The following ELP2 variants were observed in gnomAD, a reference collection of about 807,000 sequenced individuals.
ELP2 encodes elongator acetyltransferase complex subunit 2.
A neutral mutation model predicts 119.2 loss-of-function variants in ELP2; 90 were observed. The ratio of observed to expected loss-of-function variants is 0.75; its 90% CI spans 0.64 to 0.90. ELP2 has a LOEUF of 0.90. Among genes scored for constraint, ELP2 ranks in the 40% least tolerant of loss-of-function variants. ELP2 has a pLI of 0.00. For missense variants in ELP2, 921 were observed against 967.8 expected (o/e 0.95, Z 0.64); for synonymous variants, 339 against 331.0 (o/e 1.02, Z -0.26).
intron 18 of ELP2, among the ~76,000 whole-genome samples, chr18:36,165,500 G>A (rs2090868932): frequency 6.6e-6 from 1 of 152,192 alleles, no homozygotes; most frequent in South Asian, 2.1e-4. Flanking sequence ...CCCAGGGACT[G>A]TAAAGTATAC....
At position 36,159,768 on chromosome 18, in the gene ELP2, A is replaced by T; in HGVS notation, c.1568A>T (p.Glu523Val). ...DIASQPSDEE[E>V]LLTSTGFEYQ... ...GCTTCTCAGCCTTCTGATGAAGAGG[A>T]GCTGTTAACTAGTACTGGTTTTGAG... is the stretch of plus-strand genomic sequence containing the variant. Residue 523 changes from glutamate (E) to valine (V), a missense_variant, in exon 15 of 22, where the codon GAG (glutamate) becomes GTG (valine). Physicochemically the swap from Glu to Val is moderately radical, Grantham distance 121. Coordinates refer to ENST00000358232, the MANE Select transcript of ELP2 (RefSeq NM_018255.4). 6.2e-7 allele frequency: 1 copy of T among 1,613,954 alleles called. No homozygotes were observed. The highest frequency in any genetic ancestry group is 8.5e-7 in the Non-Finnish European group (1 of 1,179,914).
chr18:36,152,945 C>T (rs951201404), intron 11 of ELP2, among the ~76,000 whole-genome samples: 1 of 152,166 alleles, frequency 6.6e-6, no homozygotes, highest in Non-Finnish European at 1.5e-5. Context: ...TTTTGCCCTT[C>T]CCCCACATTG....
rs886832690 is a variant in ELP2 at position 36,159,683 on chromosome 18, G to A, written c.1535-52G>A. The A allele has an allele frequency of 7.4e-6, 10 of 1,346,984 alleles. No individual in the cohort carries two copies. In the Admixed American group the frequency reaches 1.3e-4, roughly 18 times the overall value. The allele number at this position is 1,346,984 out of a possible 1,614,324, so 83.4% of individuals were successfully genotyped here. A position where few individuals can be genotyped will look rare whatever the true frequency, so the allele number is the denominator to read the frequency against. On this transcript the variant is annotated intron_variant, in intron 14 of 21. Coordinates refer to ENST00000358232, the MANE Select transcript of ELP2 (RefSeq NM_018255.4). ...TGGTGGCCTTAATATTGAGACAAGT[G>A]AAGGAGATATAAAAATAGTGACTAT...
rs772323618 is a variant in ELP2, at chr18:36,129,978, A to C, written c.45A>C (p.Pro15=). The change falls in exon 1 of 22, where the codon CCA becomes CCC. Residue 15 remains proline (P), a synonymous_variant. Coordinates refer to ENST00000358232, the MANE Select transcript of ELP2 (RefSeq NM_018255.4). ...AGACTTCTCACGTGTTTTGCTGCCCAAACCGGGTGCGGGGAGTCCTGAACT... is the reference window on the plus strand; with the variant it reads ...AGACTTCTCACGTGTTTTGCTGCCCCAACCGGGTGCGGGGAGTCCTGAACT... ...VLETSHVFCC[P]NRVRGVLNWS... The C allele has an allele frequency of 1.2e-6, 2 of 1,614,160 alleles. No homozygotes were observed. The highest frequency in any genetic ancestry group is 2.2e-5 in the South Asian group (2 of 91,080).
chr18:36,171,117 C>G lies in ELP2; in HGVS notation c.2281C>G (p.Pro761Ala), dbSNP rs769027502. The G allele has an allele frequency of 4.3e-6, 7 of 1,614,024 alleles. No homozygotes were observed. The South Asian group carries it at 7.7e-5, about 18-fold the overall frequency. ...TACCTGGAAAAAGACTGATCAAGTT[C>G]CAGAAATAAATGACTGGACCCACTG... ...LYTWKKTDQV[P>A]EINDWTHCVE... The change falls in exon 21 of 22, where the codon CCA (proline) becomes GCA (alanine). Residue 761 changes from proline to alanine, a missense_variant. Pro to Ala is a conservative substitution (Grantham distance 27). Transcript: ENST00000358232.
At position 36,179,521 on chromosome 18, in the gene ELP2, T is replaced by C. The variant is rs1598861356; in HGVS notation, c.*4880T>C. 1 of 139,852 alleles carries C rather than the reference T, an allele frequency of 7.2e-6. No individual in the cohort carries two copies. Among genetic ancestry groups the C allele is most frequent in the Non-Finnish European group, 1.5e-5 (1 of 65,760 alleles). 8.7% of individuals were successfully genotyped at this position (139,852 alleles called of 1,614,324 possible). A position where few individuals can be genotyped will look rare whatever the true frequency, so the allele number is the denominator to read the frequency against. On this transcript the variant is annotated 3_prime_UTR_variant, in exon 22 of 22. Transcript: ENST00000358232. Reference sequence around the variant, plus strand: ...AAAAAATCTGGGACCCAGTACTGAGTGAAGACACCAGAGTGAAGGAGAGAG... The same window carrying C: ...AAAAAATCTGGGACCCAGTACTGAGCGAAGACACCAGAGTGAAGGAGAGAG...
chr18:36,156,765 T>G (rs1361107348), intron 13 of ELP2, 111 bp downstream of exon 13: 3 of 982,704 alleles, frequency 3.1e-6, no homozygotes, highest in Admixed American at 2.2e-5. Flanking sequence ...AAAGTAATAT[T>G]GTTTCTTAAT....
At position 36,156,542 on chromosome 18, in the gene ELP2, A is replaced by G. The variant is rs766201651; in HGVS notation, c.1352A>G (p.Gln451Arg). Residue 451 changes from glutamine to arginine, a missense_variant, in exon 13 of 22, where the codon CAG (glutamine) becomes CGG (arginine). Coordinates refer to ENST00000358232, the MANE Select transcript of ELP2 (RefSeq NM_018255.4). ...TGTTTGGCAATGATTAATCGGTTTC[A>G]GTTTGTATCTGGAGCAGATGAAAAA... ...LKCLAMINRF[Q>R]FVSGADEKVL... 2.5e-6 allele frequency: 4 copies of G among 1,614,148 alleles called. No homozygotes were observed. Among genetic ancestry groups the G allele is most frequent in the Non-Finnish European group, 3.4e-6 (4 of 1,179,994 alleles).
chr18:36,156,758 G>A, intron 13 of ELP2, 104 bp downstream of exon 13: 1 of 1,039,306 alleles, frequency 9.6e-7, no homozygotes, highest in Non-Finnish European at 1.4e-6. Context: ...TAGAAAGAAA[G>A]TAATATTGTT....
At chr18:36,130,175 T>G in intron 1 of ELP2, 104 bp downstream of exon 1, 1 of 1,486,522 alleles carries the variant, frequency 6.7e-7, no homozygotes, top group Non-Finnish European at 9.3e-7. Flanking sequence ...AGGAGGCGAG[T>G]CGGGTCGGCT....
chr18:36,165,774 TG>T (rs1039442429), intron 18 of ELP2, among the ~76,000 whole-genome samples: 101 of 151,344 alleles, frequency 6.7e-4, no homozygotes, highest in African/African-American at 2.4e-3. Context: ...CCCAGCTACT[TG>T]GGAGGCTGAG....
chr18:36,166,486 A>AC (rs2090912089), intron 18 of ELP2, among the ~76,000 whole-genome samples: 1 of 151,514 alleles, frequency 6.6e-6, no homozygotes, highest in Non-Finnish European at 1.5e-5. Flanking sequence ...ACCTGCTACC[A>AC]CACCTGGCTA....
In ELP2 at chr18:36,177,418, C is replaced by T. The variant is rs2091250391; in HGVS notation, c.*2777C>T. 6.6e-6 allele frequency: 1 copy of T among 152,202 alleles called. No individual in the cohort carries two copies. The highest frequency in any genetic ancestry group is 1.5e-5 in the Non-Finnish European group (1 of 68,038). 9.4% of individuals were successfully genotyped at this position (152,202 alleles called of 1,614,324 possible). A position where few individuals can be genotyped will look rare whatever the true frequency, so the allele number is the denominator to read the frequency against. Reference sequence around the variant, plus strand: ...TAAGCCAGTCACTGGAAGACAAATACTCTATGCTTCCATTTATGTGAAGTA... The same window carrying T: ...TAAGCCAGTCACTGGAAGACAAATATTCTATGCTTCCATTTATGTGAAGTA... On this transcript the variant is annotated 3_prime_UTR_variant, in exon 22 of 22. Transcript: ENST00000358232.
At chr18:36,146,455 T>C in intron 11 of ELP2, 74 bp downstream of exon 11, 1 of 1,528,254 alleles carries the variant, frequency 6.5e-7, no homozygotes, top group East Asian at 2.3e-5. Flanking sequence ...ATTTTGCTTA[T>C]AACACTCTAC....
rs953969117 is a variant in ELP2, at chr18:36,180,202, G to A, written c.*5561G>A. ...TGGTCTTTGCGTTCCAGCCAGCAAA[G>A]AGGAAGAAGGCATGAAGAAAGGCCT... On this transcript the variant is annotated 3_prime_UTR_variant, in exon 22 of 22. Coordinates refer to ENST00000358232, the MANE Select transcript of ELP2 (RefSeq NM_018255.4). The A allele has an allele frequency of 1.3e-5, 2 of 152,220 alleles. No individual in the cohort carries two copies. The highest frequency in any genetic ancestry group is 4.8e-5 in the African/African-American group (2 of 41,440). The allele number at this position is 152,220 out of a possible 1,614,324, so 9.4% of individuals were successfully genotyped here.
In ELP2 at chr18:36,138,293, A is replaced by G. The variant is rs888244494; in HGVS notation, c.312A>G (p.Gln104=). 6.2e-7 allele frequency: 1 copy of G among 1,614,040 alleles called. No individual in the cohort carries two copies. Among genetic ancestry groups the G allele is most frequent in the Admixed American group, 1.7e-5 (1 of 59,998 alleles). ...DNQLLKAVHL[Q]GHEGPVYAVH... ...AGCTTTTAAAAGCAGTGCATCTTCA[A>G]GGCCATGAAGGACCTGTTTATGCGG... The change falls in exon 4 of 22, where the codon CAA becomes CAG. Residue 104 remains glutamine, a synonymous_variant. Transcript: ENST00000358232.
chr18:36,163,275 G>GTGTGTGTTT (rs1555644860), intron 17 of ELP2, among the ~76,000 whole-genome samples: 1 of 145,360 alleles, frequency 6.9e-6, no homozygotes, highest in East Asian at 2.0e-4. Flanking sequence ...GTTCATGGGG[G>GTGTGTGTTT]GTGTGTGTGT....
intron 11 of ELP2, among the ~76,000 whole-genome samples, chr18:36,153,441 C>G (rs756368552): frequency 3.9e-5 from 6 of 152,304 alleles, no homozygotes; most frequent in Admixed American, 6.5e-5. Flanking sequence ...CTCTCTCTTA[C>G]ACCACAGCAA....
At chr18:36,156,424 C>T (rs762355366) in intron 12 of ELP2, 42 bp from the exon 13 acceptor site, 1 of 1,590,014 alleles carries the variant, frequency 6.3e-7, no homozygotes, top group East Asian at 2.2e-5. Flanking sequence ...ATTGAAAATT[C>T]AGCTTTTGAA....
Sources: allele counts gnomAD v4.1 joint callset (sites outside exome capture counted in the v4.1 genomes callset), GRCh38; gene constraint gnomAD v4.1.1; transcripts MANE v1.5; gene names NCBI Gene and HGNC (gene_info 2026-07-23, HGNC 2026-07-21).